The following FSIP1 variants were observed in gnomAD, a reference collection of about 807,000 sequenced individuals.
The protein encoded by FSIP1 is fibrous sheath-interacting protein 1.
FSIP1 carries 65 observed loss-of-function variants against 60.9 expected under a neutral mutation model. The ratio of observed to expected loss-of-function variants is 1.07; its 90% CI spans 0.87 to 1.31. The LOEUF (loss-of-function observed/expected upper bound fraction) is 1.31, where lower values mean the gene tolerates loss of function less well. Among genes scored for constraint, FSIP1 ranks in the 40% most tolerant of loss-of-function variants. FSIP1 has a pLI of 0.00. For synonymous variants in FSIP1, 209 were observed against 221.2 expected (o/e 0.94, Z 0.49); for missense variants, 675 against 665.5 (o/e 1.01, Z -0.16).
chr15:39,604,994 T>C (rs777944666), intron 11 of FSIP1, among the ~76,000 whole-genome samples: 56 of 152,138 alleles, frequency 3.7e-4, no homozygotes, highest in Non-Finnish European at 7.2e-4. Context: ...TAAGGACATA[T>C]ACCAACACAC....
intron 10 of FSIP1, among the ~76,000 whole-genome samples, chr15:39,699,270 T>C (rs190854246): frequency 5.3e-5 from 8 of 152,332 alleles, no homozygotes; most frequent in African/African-American, 1.9e-4. Flanking sequence ...TGTTAATGTG[T>C]ACCATAGCTA....
chr15:39,660,457 T>C (rs1352507535), intron 10 of FSIP1, among the ~76,000 whole-genome samples: 2 of 152,248 alleles, frequency 1.3e-5, no homozygotes, highest in Non-Finnish European at 2.9e-5. Flanking sequence ...ACAGTTTTAA[T>C]TGAATATAAG....
chr15:39,616,336 A>G (rs1595534444), intron 11 of FSIP1, among the ~76,000 whole-genome samples: 1 of 152,208 alleles, frequency 6.6e-6, no homozygotes, highest in Admixed American at 6.5e-5. Context: ...AAATGTAACA[A>G]TGAATTGCAA....
chr15:39,684,650 C>G (rs977460118), intron 10 of FSIP1, among the ~76,000 whole-genome samples: 2 of 152,174 alleles, frequency 1.3e-5, no homozygotes, highest in East Asian at 3.8e-4. Context: ...AATACCCCAG[C>G]CTACACTGCT....
intron 10 of FSIP1, among the ~76,000 whole-genome samples, chr15:39,692,995 A>G (rs932423919): frequency 5.3e-5 from 8 of 152,196 alleles, no homozygotes; most frequent in Non-Finnish European, 1.0e-4. Context: ...AGCTTAATTT[A>G]TATGGTAATT....
intron 10 of FSIP1, among the ~76,000 whole-genome samples, chr15:39,713,089 T>C (rs1895588430): frequency 6.6e-6 from 1 of 152,214 alleles, no homozygotes; most frequent in Non-Finnish European, 1.5e-5. Context: ...ATTTAATGTT[T>C]TATATTATAT....
At chr15:39,779,383 T>C (rs1898172212) in intron 1 of FSIP1, among the ~76,000 whole-genome samples, 1 of 152,190 alleles carries the variant, frequency 6.6e-6, no homozygotes, top group Non-Finnish European at 1.5e-5. Context: ...CTTGTCCCCT[T>C]GCTTATCTGT....
chr15:39,633,441 T>A (rs556518724), intron 10 of FSIP1, among the ~76,000 whole-genome samples: 4 of 152,314 alleles, frequency 2.6e-5, no homozygotes, highest in East Asian at 3.9e-4. Context: ...TAGTTTTTTT[T>A]ATTCGTAAAA....
chr15:39,745,997 T>C (rs1374194900), intron 5 of FSIP1, among the ~76,000 whole-genome samples: 1 of 152,074 alleles, frequency 6.6e-6, no homozygotes, highest in East Asian at 1.9e-4. Flanking sequence ...GAGGATCCCT[T>C]GAGCCCAGGA....
At chr15:39,640,251 T>C (rs1382883643) in intron 10 of FSIP1, among the ~76,000 whole-genome samples, 2 of 152,224 alleles carry the variant, frequency 1.3e-5, no homozygotes, top group Non-Finnish European at 2.9e-5. Context: ...TAAGCAGTTA[T>C]CCATTGTTCA....
chr15:39,774,293 G>A (rs914685917), intron 2 of FSIP1, among the ~76,000 whole-genome samples: 5 of 152,132 alleles, frequency 3.3e-5, no homozygotes, highest in East Asian at 1.9e-4. Flanking sequence ...GACTAGCCTG[G>A]CCAATATGGT....
rs187810812 is a variant in FSIP1, at chr15:39,641,319, C to T, written c.1189-23074G>A. Among the ~76,000 whole-genome samples the T allele has an allele frequency of 2.0e-5, 3 of 152,124 alleles. No homozygotes were observed. In the South Asian group the frequency reaches 6.2e-4, roughly 32 times the overall value. ...GCTGTGGTGTCAGCATATTACCCAC[C>T]ACTAGAGCACAAAAGCAAAGTTCAG... On this transcript the variant is annotated intron_variant, in intron 10 of 11. Transcript: ENST00000350221.
At chr15:39,752,904 T>C (rs1464438201) in intron 5 of FSIP1, among the ~76,000 whole-genome samples, 1 of 152,074 alleles carries the variant, frequency 6.6e-6, no homozygotes, top group African/African-American at 2.4e-5. Context: ...AATTTTTCTA[T>C]GAATGTAAAA....
chr15:39,737,086 C>T (rs1018491772), intron 8 of FSIP1, among the ~76,000 whole-genome samples: 3 of 152,082 alleles, frequency 2.0e-5, no homozygotes. Context: ...TTATTAAATG[C>T]AGGGGAATAA....
rs77387254 is a variant in FSIP1, at chr15:39,740,093, T to C, written c.656-304A>G. On this transcript the variant is annotated intron_variant, in intron 6 of 11. Coordinates refer to ENST00000350221, the MANE Select transcript of FSIP1 (RefSeq NM_152597.5). ...TATCAATAGAACTTCAAGACAGACA[T>C]GAGAAGAAGAAATCGCTGATGTTAG... Among the ~76,000 whole-genome samples the C allele has an allele frequency of 1.7e-4, 26 of 152,320 alleles. No homozygotes were observed. The East Asian group carries it at 4.0e-3, about 24-fold the overall frequency.
chr15:39,759,683 T>C (rs1897426851), intron 5 of FSIP1, among the ~76,000 whole-genome samples: 1 of 152,184 alleles, frequency 6.6e-6, no homozygotes, highest in African/African-American at 2.4e-5. Context: ...AGAATCAAGA[T>C]GTCAGCAGGG....
chr15:39,737,035 G>T (rs1474320426), intron 8 of FSIP1, among the ~76,000 whole-genome samples: 1 of 152,130 alleles, frequency 6.6e-6, no homozygotes, highest in Admixed American at 6.5e-5. Context: ...AGGGAAAGGG[G>T]ATATGGGCAG....
At position 39,615,232 on chromosome 15, in the gene FSIP1, T is replaced by C. The variant is rs34073780; in HGVS notation, c.1699+2503A>G. On this transcript the variant is annotated intron_variant, in intron 11 of 11. Transcript: ENST00000350221. The stretch of plus-strand genomic sequence containing the variant: ...GCAGTGACTTTTTTTTAATACGACC[T>C]TGAAGGCACAGGCAAAAATAGACAA... Among the ~76,000 whole-genome samples the C allele has an allele frequency of 6.2e-3, 946 of 151,928 alleles. 4 individuals are homozygous for C. The highest frequency in any genetic ancestry group is 0.024 in the Middle Eastern group (7 of 294).
At chr15:39,636,189 C>T (rs548529936) in intron 10 of FSIP1, among the ~76,000 whole-genome samples, 1 of 152,292 alleles carries the variant, frequency 6.6e-6, no homozygotes, top group East Asian at 1.9e-4. Flanking sequence ...ATAAATAGAT[C>T]AATGCCATCT....
Sources: allele counts gnomAD v4.1 joint callset (sites outside exome capture counted in the v4.1 genomes callset), GRCh38; gene constraint gnomAD v4.1.1; transcripts MANE v1.5; gene names NCBI Gene and HGNC (gene_info 2026-07-23, HGNC 2026-07-21).